SMS: variants seen among roughly 807,000 people sequenced by gnomAD.
The protein encoded by SMS is spermine synthase, also known as spermidine aminopropyltransferase.
SMS carries 3 observed loss-of-function variants against 33.0 expected under a neutral mutation model. The observed-to-expected ratio is 0.09, with a 90% CI of 0.04 to 0.23. SMS has a LOEUF of 0.23. SMS is among the 10% of genes least tolerant of loss of function. SMS has a pLI of 1.00. For missense variants in SMS, 117 were observed against 288.6 expected (o/e 0.41, Z 4.31); for synonymous variants, 103 against 112.2 (o/e 0.92, Z 0.52).
chrX:21,986,146 C>T, intron 9 of SMS, among the ~76,000 whole-genome samples: 1 of 109,427 alleles, frequency 9.1e-6, no homozygotes, highest in Non-Finnish European at 1.9e-5. Context: ...GTCAGGAGTT[C>T]GAGACCAGCC....
intron 9 of SMS, among the ~76,000 whole-genome samples, chrX:21,988,307 C>T (rs1371974590): frequency 9.0e-6 from 1 of 111,179 alleles, no homozygotes; most frequent in Non-Finnish European, 1.9e-5. Flanking sequence ...CCAGGTGACA[C>T]GCTTAGGAGG....
intron 1 of SMS, among the ~76,000 whole-genome samples, chrX:21,944,522 CAA>C (rs777680386): frequency 7.2e-4 from 25 of 34,708 alleles, no homozygotes; most frequent in Admixed American, 3.0e-3. Flanking sequence ...CCTGTCTCTA[CAA>C]AAAAAAAAAA....
chrX:21,942,803 T>G (rs1485981546), intron 1 of SMS, among the ~76,000 whole-genome samples: 1 of 108,599 alleles, frequency 9.2e-6, no homozygotes, highest in Non-Finnish European at 1.9e-5. Context: ...CACTCACCTG[T>G]ATTTATCGTC....
intron 3 of SMS, 65 bp downstream of exon 3, chrX:21,972,055 AAAT>A: frequency 2.7e-6 from 2 of 740,026 alleles, no homozygotes; most frequent in Non-Finnish European, 4.3e-6. Context: ...CTTAGTGTTA[AAAT>A]AATGTTCTCT....
At chrX:21,945,070 C>G (rs1419052477) in intron 1 of SMS, among the ~76,000 whole-genome samples, 2 of 112,114 alleles carry the variant, frequency 1.8e-5, no homozygotes, top group African/African-American at 6.5e-5. Flanking sequence ...ACAGGCCAGC[C>G]AGCTCTGAAA....
intron 1 of SMS, among the ~76,000 whole-genome samples, chrX:21,961,546 G>T (rs762854598): frequency 9.0e-6 from 1 of 111,571 alleles, no homozygotes; most frequent in East Asian, 2.8e-4. Flanking sequence ...TCTCCAAGAC[G>T]GGCCTGTAAA....
intron 9 of SMS, among the ~76,000 whole-genome samples, chrX:21,992,170 TAGG>T (rs928593073): frequency 8.9e-6 from 1 of 112,526 alleles, no homozygotes; most frequent in Non-Finnish European, 1.9e-5. Context: ...TTTAGACTCT[TAGG>T]AGAATTGTAG....
At chrX:21,978,233 C>T (rs1924664992) in intron 6 of SMS, 119 bp downstream of exon 6, 1 of 688,554 alleles carries the variant, frequency 1.5e-6, no homozygotes, top group African/African-American at 2.1e-5. Flanking sequence ...ACCTAGACTG[C>T]CTTGAACAGA....
chrX:21,962,961 G>A (rs990015328), intron 1 of SMS, among the ~76,000 whole-genome samples: 1 of 111,244 alleles, frequency 9.0e-6, no homozygotes, highest in Admixed American at 9.5e-5. Context: ...GGCCTCCCTG[G>A]GTGAATGAAA....
intron 1 of SMS, among the ~76,000 whole-genome samples, chrX:21,961,607 CT>C (rs201724194): frequency 1.0e-4 from 11 of 110,347 alleles, no homozygotes; most frequent in African/African-American, 2.3e-4. Flanking sequence ...GGCCTTGATT[CT>C]TTTTTTTCCC....
At chrX:21,957,804 T>G (rs917476357) in intron 1 of SMS, among the ~76,000 whole-genome samples, 4 of 112,198 alleles carry the variant, frequency 3.6e-5, no homozygotes, top group African/African-American at 1.3e-4. Context: ...ATTGTAGTCA[T>G]TTTTGCAGGA....
At chrX:21,987,428 C>CTGAAG (rs1925426681) in intron 9 of SMS, among the ~76,000 whole-genome samples, 1 of 112,309 alleles carries the variant, frequency 8.9e-6, no homozygotes, top group South Asian at 3.6e-4. Flanking sequence ...ACCTCCCAGA[C>CTGAAG]TGAAGTGATC....
chrX:21,980,164 C>T (rs1241305648), intron 7 of SMS, among the ~76,000 whole-genome samples: 2 of 109,365 alleles, frequency 1.8e-5, no homozygotes, highest in East Asian at 2.8e-4. Context: ...CAACTTAATT[C>T]GTTAGGTGAA....
intron 1 of SMS, chrX:21,959,946 A>G (rs1018768): frequency 1.3e-6 from 1 of 752,325 alleles, no homozygotes; most frequent in African/African-American, 2.3e-5. Flanking sequence ...GGGGCCGGGT[A>G]TAAGCCTGAC....
chrX:21,957,022 A>G (rs1569343638), intron 1 of SMS, among the ~76,000 whole-genome samples: 1 of 111,686 alleles, frequency 9.0e-6, no homozygotes, highest in Non-Finnish European at 1.9e-5. Flanking sequence ...CCACTCAGAT[A>G]CTTGGTAGTC....
Position 21,969,587 on chromosome X carries a change from A to C in SMS, c.170+2271A>C, listed in dbSNP as rs185619179. On this transcript the variant is annotated intron_variant, in intron 2 of 10. Coordinates refer to ENST00000404933, the MANE Select transcript of SMS (RefSeq NM_004595.5). ...TCCGGTGGCAGGCTCCTCAGCCAGC[A>C]CCAGGTGAAAAGTTGCACTTCTTAT... Among the ~76,000 whole-genome samples the C allele has an allele frequency of 5.5e-3, 613 of 111,698 alleles. 2 individuals are homozygous for C. Among genetic ancestry groups the C allele is most frequent in the African/African-American group, 0.016 (507 of 30,733 alleles).
chrX:21,978,847 T>A (rs748226045), intron 6 of SMS, 30 bp from the exon 7 acceptor site: 16 of 1,028,866 alleles, frequency 1.6e-5, no homozygotes, highest in Non-Finnish European at 2.2e-5. Context: ...TTCTTTGATA[T>A]ACCCAAATTC....
At chrX:21,984,793 C>T (rs1449570923) in intron 8 of SMS, among the ~76,000 whole-genome samples, 1 of 111,794 alleles carries the variant, frequency 8.9e-6, no homozygotes, top group Admixed American at 9.5e-5. Context: ...ACAGCTAGTT[C>T]GTGTTTTTTT....
intron 1 of SMS, among the ~76,000 whole-genome samples, chrX:21,957,959 GTTTT>G (rs59565571): frequency 1.1e-5 from 1 of 94,252 alleles, no homozygotes. Flanking sequence ...GGGAATATTT[GTTTT>G]TTTTTTTTTT....
Sources: gnomAD v4.1 joint callset for allele counts (sites outside exome capture counted in the v4.1 genomes callset) on GRCh38, gnomAD v4.1.1 for gene constraint, MANE v1.5 for transcripts, NCBI Gene and HGNC (gene_info 2026-07-23, HGNC 2026-07-21) for gene names.